The following DPP10 variants were observed in gnomAD, a reference collection of about 807,000 sequenced individuals.
DPP10 encodes dipeptidyl peptidase like 10.
In DPP10, 33 loss-of-function variants were observed where a neutral mutation model predicts 120.9. The observed-to-expected ratio is 0.27, with a 90% CI of 0.21 to 0.37. The LOEUF (loss-of-function observed/expected upper bound fraction) is 0.37. Among genes scored for constraint, DPP10 ranks in the 10% least tolerant of loss-of-function variants. The pLI is 1.00. For synonymous variants in DPP10, 337 were observed against 326.1 expected (o/e 1.03, Z -0.36); for missense variants, 816 against 942.8 (o/e 0.87, Z 1.76).
rs532920732 is a variant in DPP10 at position 115,738,439 on chromosome 2, C to T, written c.698-1300C>T. On this transcript the variant is annotated intron_variant, in intron 8 of 25. Transcript: ENST00000410059. ...TCATTGTTGTAGCAAGTAAGTGCTA[C>T]AACACTTACTTGCTATAACTAGAGA... is the stretch of plus-strand genomic sequence containing the variant. Among the ~76,000 whole-genome samples, 247 of 152,196 alleles carry T rather than the reference C, an allele frequency of 1.6e-3. 1 individual carries two copies. The highest frequency in any genetic ancestry group is 6.8e-3 in the Middle Eastern group (2 of 294).
chr2:115,004,238 G>T (rs572263047), intron 1 of DPP10, among the ~76,000 whole-genome samples: 6 of 152,158 alleles, frequency 3.9e-5, no homozygotes, highest in African/African-American at 1.4e-4. Context: ...GAAATAAGAC[G>T]TGGTGTTTGA....
At chr2:115,442,529 G>C (rs2072176055) in intron 3 of DPP10, among the ~76,000 whole-genome samples, 1 of 152,100 alleles carries the variant, frequency 6.6e-6, no homozygotes, top group Non-Finnish European at 1.5e-5. Flanking sequence ...TTGTAAGAGA[G>C]GAAGAAGATC....
chr2:115,810,466 G>A (rs1686516183), intron 19 of DPP10, among the ~76,000 whole-genome samples: 1 of 152,044 alleles, frequency 6.6e-6, no homozygotes, highest in African/African-American at 2.4e-5. Flanking sequence ...GAGGTGACTT[G>A]TTCTGTCATT....
At chr2:115,165,282 T>A (rs1000565065) in intron 1 of DPP10, among the ~76,000 whole-genome samples, 1 of 152,180 alleles carries the variant, frequency 6.6e-6, no homozygotes, top group Non-Finnish European at 1.5e-5. Flanking sequence ...GAGATGAGAA[T>A]ACAGAGGATT....
At chr2:115,109,353 T>C (rs995824114) in intron 1 of DPP10, among the ~76,000 whole-genome samples, 2 of 152,000 alleles carry the variant, frequency 1.3e-5, no homozygotes, top group African/African-American at 4.8e-5. Context: ...CTGGCCAACA[T>C]GGTGAAACCC....
intron 1 of DPP10, among the ~76,000 whole-genome samples, chr2:114,864,775 A>G (rs1210841025): frequency 6.6e-6 from 1 of 152,228 alleles, no homozygotes; most frequent in Non-Finnish European, 1.5e-5. Context: ...CCACTAGGTG[A>G]TTATGAAAGT....
chr2:115,218,213 GCTT>G, intron 1 of DPP10, among the ~76,000 whole-genome samples: 1 of 152,204 alleles, frequency 6.6e-6, no homozygotes, highest in East Asian at 1.9e-4. Flanking sequence ...TACATAAAAT[GCTT>G]CTTTAATCCC....
rs559058162 is a variant in DPP10 at position 115,785,095 on chromosome 2, G to T, written c.1531+2696G>T. Among the ~76,000 whole-genome samples the T allele has an allele frequency of 3.3e-5, 5 of 152,256 alleles. No individual in the cohort carries two copies. The South Asian group carries it at 1.0e-3, about 32-fold the overall frequency. ...AGAAGTACTTTCTATAGATGACTTA[G>T]GTTCTGTTGCCCCATGGCTTCCAAC... is the stretch of plus-strand genomic sequence containing the variant. On this transcript the variant is annotated intron_variant, in intron 17 of 25. Coordinates refer to ENST00000410059, the MANE Select transcript of DPP10 (RefSeq NM_020868.6).
At chr2:115,569,791 G>C (rs1333411830) in intron 5 of DPP10, among the ~76,000 whole-genome samples, 4 of 152,130 alleles carry the variant, frequency 2.6e-5, no homozygotes, top group African/African-American at 9.7e-5. Context: ...AGTAAACCAG[G>C]AGCTTAGCTG....
At chr2:115,440,551 C>T (rs568248248) in intron 3 of DPP10, among the ~76,000 whole-genome samples, 1 of 152,136 alleles carries the variant, frequency 6.6e-6, no homozygotes, top group East Asian at 1.9e-4. Flanking sequence ...TTTATTAAGC[C>T]GGCGGCCAAA....
chr2:114,900,024 TCAATGCTGTATAA>T (rs1186825144), intron 1 of DPP10, among the ~76,000 whole-genome samples: 1 of 152,242 alleles, frequency 6.6e-6, no homozygotes, highest in Non-Finnish European at 1.5e-5. Flanking sequence ...TTGTGCATTT[TCAATGCTGTATAA>T]CAATTGTTTG....
intron 3 of DPP10, among the ~76,000 whole-genome samples, chr2:115,371,656 T>A (rs1052013404): frequency 6.6e-6 from 1 of 152,114 alleles, no homozygotes; most frequent in Non-Finnish European, 1.5e-5. Context: ...CCCAAACTTA[T>A]TAAGAATGCT....
chr2:115,452,538 T>A (rs1187457724), intron 3 of DPP10, among the ~76,000 whole-genome samples: 2 of 151,922 alleles, frequency 1.3e-5, no homozygotes, highest in African/African-American at 4.8e-5. Flanking sequence ...TCCTGTATTC[T>A]GAGAGATGAA....
At chr2:114,808,697 C>G (rs1684944454) in intron 1 of DPP10, among the ~76,000 whole-genome samples, 1 of 152,098 alleles carries the variant, frequency 6.6e-6, no homozygotes, top group African/African-American at 2.4e-5. Flanking sequence ...GCTGCAGCCT[C>G]ATGAGCCTCC....
intron 1 of DPP10, among the ~76,000 whole-genome samples, chr2:115,204,858 A>G (rs1315407822): frequency 6.6e-6 from 1 of 152,016 alleles, no homozygotes; most frequent in African/African-American, 2.4e-5. Flanking sequence ...GATGTTAAGT[A>G]TTTTTTCATG....
chr2:115,710,441 C>T (rs1385380582), intron 7 of DPP10, among the ~76,000 whole-genome samples: 1 of 151,892 alleles, frequency 6.6e-6, no homozygotes, highest in Admixed American at 6.6e-5. Flanking sequence ...TTATTATCTT[C>T]CTTAATAATA....
intron 5 of DPP10, among the ~76,000 whole-genome samples, chr2:115,552,221 A>G (rs2079917733): frequency 6.6e-6 from 1 of 152,166 alleles, no homozygotes; most frequent in Admixed American, 6.6e-5. Flanking sequence ...TAAAACAATC[A>G]TAATTTATCC....
chr2:114,640,317 C>T lies in DPP10; in HGVS notation c.60+197479C>T, dbSNP rs549793910. On this transcript the variant is annotated intron_variant, in intron 1 of 25. Coordinates refer to ENST00000410059, the MANE Select transcript of DPP10 (RefSeq NM_020868.6). ...TCAGAGAAGGTCATACCCTATTTGG[C>T]TTTTGCTGTTGTAATCTTAGAATCA... Among the ~76,000 whole-genome samples, 182 of 152,012 alleles carry T rather than the reference C, an allele frequency of 1.2e-3. 7 individuals carry two copies. The highest frequency in any genetic ancestry group is 4.3e-3 in the African/African-American group (176 of 41,308).
chr2:115,183,754 T>C (rs1218809703), intron 1 of DPP10, among the ~76,000 whole-genome samples: 1 of 152,168 alleles, frequency 6.6e-6, no homozygotes, highest in Non-Finnish European at 1.5e-5. Context: ...TTTTGGTATA[T>C]AACTCTCACA....
Sources: allele counts gnomAD v4.1 joint callset (sites outside exome capture counted in the v4.1 genomes callset), GRCh38; gene constraint gnomAD v4.1.1; transcripts MANE v1.5; gene names NCBI Gene and HGNC (gene_info 2026-07-23, HGNC 2026-07-21).